Variants in PCDHGB3 observed in about 807,000 individuals in gnomAD.
PCDHGB3 encodes the protein protocadherin gamma subfamily B, 3.
PCDHGB3 carries 40 observed loss-of-function variants against 59.2 expected under a neutral mutation model. That is an observed-to-expected ratio of 0.68 (90% confidence interval 0.52 to 0.88). The LOEUF is 0.88. PCDHGB3 is among the 40% of genes least tolerant of loss of function. The pLI is 0.00. For missense variants in PCDHGB3, 1,309 were observed against 1,187.9 expected (o/e 1.10, Z -1.50); for synonymous variants, 581 against 503.6 (o/e 1.15, Z -2.06).
At chr5:141,394,154 C>A (rs770076493) in intron 1 of PCDHGB3, 1 of 1,613,918 alleles carries the variant, frequency 6.2e-7, no homozygotes, top group Admixed American at 1.7e-5. Context: ...ACATTAACGA[C>A]AACCCTCCTA....
rs1040028231 is a variant in PCDHGB3, at chr5:141,485,542, C to T, written c.2416-9265C>T. 6.8e-6 allele frequency: 11 copies of T among 1,613,900 alleles called. No individual in the cohort carries two copies. Among genetic ancestry groups the T allele is most frequent in the Admixed American group, 6.7e-5 (4 of 59,996 alleles). On this transcript the variant is annotated intron_variant, in intron 1 of 3. Coordinates refer to ENST00000576222, the MANE Select transcript of PCDHGB3 (RefSeq NM_018924.5). The surrounding 1 kb of genome is among the most constrained non-coding windows in gnomAD (Gnocchi z 5.7). ...AAATGTACCGAGCAGAGGTAGAGAT[C>T]GTAGATGTGAATGATCACGCCCCCC...
intron 1 of PCDHGB3, chr5:141,392,738 T>C (rs2150490352): frequency 4.2e-6 from 6 of 1,433,676 alleles, no homozygotes; most frequent in Non-Finnish European, 5.5e-6. Flanking sequence ...GTCATCTCCA[T>C]AGCTGCGGCA....
chr5:141,474,608 T>G (rs1469173973), intron 1 of PCDHGB3, among the ~76,000 whole-genome samples: 1 of 152,268 alleles, frequency 6.6e-6, no homozygotes, highest in Non-Finnish European at 1.5e-5. Flanking sequence ...AGGTCACATA[T>G]GGCTTTTCAT....
chr5:141,482,622 A>G (rs1197606374), intron 1 of PCDHGB3, among the ~76,000 whole-genome samples: 1 of 151,936 alleles, frequency 6.6e-6, no homozygotes, highest in Non-Finnish European at 1.5e-5. Context: ...AGCCTGGAGA[A>G]AGGAAGAAAT....
chr5:141,399,830 C>G (rs1304936728), intron 1 of PCDHGB3: 1 of 1,613,192 alleles, frequency 6.2e-7, no homozygotes. Flanking sequence ...CCCGACGGCT[C>G]TGCGCTCTTC....
intron 1 of PCDHGB3, chr5:141,440,642 A>G (rs1351979857): frequency 6.6e-6 from 1 of 152,234 alleles, no homozygotes; most frequent in African/African-American, 2.4e-5. Context: ...AATTCCTTAC[A>G]AAATTATCAC....
chr5:141,407,989 T>G, intron 1 of PCDHGB3: 1 of 833,618 alleles, frequency 1.2e-6, no homozygotes, highest in Non-Finnish European at 1.8e-6. Flanking sequence ...TCCGTCAGCC[T>G]CTGGCCTGGG....
intron 1 of PCDHGB3, among the ~76,000 whole-genome samples, chr5:141,400,846 A>G (rs1273650139): frequency 6.6e-6 from 1 of 152,190 alleles, no homozygotes; most frequent in Non-Finnish European, 1.5e-5. Context: ...ACATGTTTAT[A>G]TTTTATTGTA....
At position 141,431,026 on chromosome 5, in the gene PCDHGB3, G is replaced by A; in HGVS notation, c.2415+58217G>A. On this transcript the variant is annotated intron_variant, in intron 1 of 3. Coordinates refer to ENST00000576222, the MANE Select transcript of PCDHGB3 (RefSeq NM_018924.5). This position sits in a 1 kb window ranked among gnomAD's most constrained non-coding sequence, Gnocchi z 4.8. Reference sequence around the variant, plus strand: ...GCGGCAGCTTGGTCACGGCGGGCAGGATAGACCGGGAGGAGCTCTGTATGG... The same window carrying A: ...GCGGCAGCTTGGTCACGGCGGGCAGAATAGACCGGGAGGAGCTCTGTATGG... The A allele has an allele frequency of 1.2e-6, 2 of 1,614,118 alleles. No homozygotes were observed. The highest frequency in any genetic ancestry group is 1.7e-6 in the Non-Finnish European group (2 of 1,179,960).
At chr5:141,374,630 C>T (rs1273504244) in intron 1 of PCDHGB3, 1 of 1,613,140 alleles carries the variant, frequency 6.2e-7, no homozygotes, top group South Asian at 1.1e-5. Flanking sequence ...AGTGGACGTG[C>T]AAAGCGAAGC....
intron 1 of PCDHGB3, chr5:141,387,838 A>G: frequency 6.3e-7 from 1 of 1,598,726 alleles, no homozygotes; most frequent in East Asian, 2.2e-5. Context: ...GGTTATTTGT[A>G]ACCCGGCGTC....
intron 1 of PCDHGB3, chr5:141,428,630 C>T: frequency 5.4e-6 from 1 of 185,692 alleles, no homozygotes; most frequent in Non-Finnish European, 1.1e-5. Context: ...AGCTCTAACT[C>T]TGTTGCTCCT....
chr5:141,427,304 C>T, intron 1 of PCDHGB3: 1 of 456,910 alleles, frequency 2.2e-6, no homozygotes, highest in Non-Finnish European at 4.4e-6. Flanking sequence ...ATGAGAATGA[C>T]AATGCCCCAG....
Position 141,487,003 on chromosome 5 carries a change from C to T in PCDHGB3, c.2416-7804C>T. The stretch of plus-strand genomic sequence containing the variant: ...ACAATGCTTGGGTTTCCTATCAGCT[C>T]CTGGAGGCCCCAGATCCCAGCCTGT... On this transcript the variant is annotated intron_variant, in intron 1 of 3. Transcript: ENST00000576222. The surrounding 1 kb of genome is among the most constrained non-coding windows in gnomAD (Gnocchi z 5.0). 1 of 1,614,228 alleles carries T rather than the reference C, an allele frequency of 6.2e-7. No homozygotes were observed.
At chr5:141,395,472 A>T in intron 1 of PCDHGB3, 1 of 548,076 alleles carries the variant, frequency 1.8e-6, no homozygotes, top group South Asian at 2.6e-5. Flanking sequence ...GCCTTCCAGT[A>T]TTTTATTCCT....
At chr5:141,387,354 CA>C (rs1037365285) in intron 1 of PCDHGB3, among the ~76,000 whole-genome samples, 7 of 152,004 alleles carry the variant, frequency 4.6e-5, no homozygotes, top group African/African-American at 1.7e-4. Context: ...CGGTTTAGGC[CA>C]AGTCTGTGTT....
intron 1 of PCDHGB3, chr5:141,410,680 G>A: frequency 6.5e-7 from 1 of 1,535,692 alleles, no homozygotes; most frequent in Non-Finnish European, 8.7e-7. Flanking sequence ...TCATATTTTA[G>A]GCATACTACT....
chr5:141,413,135 T>TGTCC (rs767378713), intron 1 of PCDHGB3: 1 of 1,545,632 alleles, frequency 6.5e-7, no homozygotes, highest in Non-Finnish European at 8.7e-7. Context: ...ACACACAACG[T>TGTCC]GTCCAGTGAG....
At position 141,510,973 on chromosome 5, in the gene PCDHGB3, G is replaced by A. The variant is rs1448442252; in HGVS notation, c.2590G>A (p.Gly864Arg). 2 of 1,614,042 alleles carry A rather than the reference G, an allele frequency of 1.2e-6. No individual in the cohort carries two copies. Among genetic ancestry groups the A allele is most frequent in the East Asian group, 2.2e-5 (1 of 44,894 alleles). ...AGCTGCTGATGGGAGCTCCACCCTG[G>A]GAGGGGGTGCCGGCACCATGGGATT... ...SEAADGSSTL[G>R]GGAGTMGLSA... Residue 864 changes from glycine (G) to arginine (R), a missense_variant, in exon 4 of 4, where the codon GGA (glycine) becomes AGA (arginine). Gly to Arg is a moderately radical substitution (Grantham distance 125). Transcript: ENST00000576222.
Sources: gnomAD v4.1 joint callset for allele counts (sites outside exome capture counted in the v4.1 genomes callset) on GRCh38, gnomAD v4.1.1 for gene constraint, Gnocchi (gnomAD v3.1) non-coding constraint, MANE v1.5 for transcripts, NCBI Gene and HGNC (gene_info 2026-07-23, HGNC 2026-07-21) for gene names.